Variants in PDLIM5 observed in about 807,000 individuals in gnomAD.
PDLIM5 encodes PDZ and LIM domain protein 5.
PDLIM5 carries 34 observed loss-of-function variants against 64.2 expected under a neutral mutation model. That is an observed-to-expected ratio of 0.53 (90% CI 0.40 to 0.71). The LOEUF (loss-of-function observed/expected upper bound fraction) is 0.71, where lower values mean the gene tolerates loss of function less well. PDLIM5 is among the 30% of genes least tolerant of loss of function. The pLI, the probability that PDLIM5 is intolerant of heterozygous loss-of-function variation, is 0.00. For missense variants in PDLIM5, 683 were observed against 733.6 expected (o/e 0.93, Z 0.80); for synonymous variants, 253 against 269.1 (o/e 0.94, Z 0.59).
At chr4:94,456,258 G>A (rs1250995642) in intron 2 of PDLIM5, 2 of 486,958 alleles carry the variant, frequency 4.1e-6, no homozygotes, top group East Asian at 3.7e-5. Flanking sequence ...GAGTGCAGTG[G>A]CGCAATCTCG....
At chr4:94,521,866 T>G (rs1237808650) in intron 2 of PDLIM5, among the ~76,000 whole-genome samples, 1 of 152,150 alleles carries the variant, frequency 6.6e-6, no homozygotes, top group Admixed American at 6.5e-5. Context: ...GTTTAATGCC[T>G]GCCCTTCTTT....
chr4:94,456,822 G>T, intron 2 of PDLIM5: 2 of 1,140,386 alleles, frequency 1.8e-6, no homozygotes, highest in Non-Finnish European at 1.1e-6. Context: ...AACAAACTTG[G>T]ATATTTATCA....
chr4:94,623,080 A>C (rs748478442), intron 8 of PDLIM5, among the ~76,000 whole-genome samples: 3 of 152,182 alleles, frequency 2.0e-5, no homozygotes, highest in Non-Finnish European at 4.4e-5. Context: ...TCAGAGGTTA[A>C]CTTTCTATGC....
intron 2 of PDLIM5, among the ~76,000 whole-genome samples, chr4:94,461,158 C>CA (rs1723843524): frequency 6.6e-6 from 1 of 152,030 alleles, no homozygotes; most frequent in South Asian, 2.1e-4. Context: ...TTGCTTTAGA[C>CA]AAAAAAGGAG....
chr4:94,662,973 A>AAT (rs1474158305), intron 12 of PDLIM5, among the ~76,000 whole-genome samples: 1 of 152,180 alleles, frequency 6.6e-6, no homozygotes, highest in Non-Finnish European at 1.5e-5. Flanking sequence ...TTTTCTTAGC[A>AAT]ATAGCCCCTG....
chr4:94,553,755 T>G (rs1160899054), intron 3 of PDLIM5, among the ~76,000 whole-genome samples: 1 of 152,200 alleles, frequency 6.6e-6, no homozygotes, highest in Non-Finnish European at 1.5e-5. Flanking sequence ...GCTCTCCATG[T>G]GTTATGTTTA....
intron 2 of PDLIM5, among the ~76,000 whole-genome samples, chr4:94,464,659 T>C (rs1019612919): frequency 1.3e-5 from 2 of 152,232 alleles, no homozygotes; most frequent in Non-Finnish European, 2.9e-5. Context: ...GTTACACATA[T>C]AATTTCCATG....
At chr4:94,654,319 C>G (rs1344068319) in intron 9 of PDLIM5, 141 bp from the exon 10 acceptor site, 1 of 627,130 alleles carries the variant, frequency 1.6e-6, no homozygotes, top group Non-Finnish European at 2.9e-6. Context: ...TTACAACACC[C>G]AACACCCATG....
At chr4:94,636,645 TCTC>T (rs1740594449) in intron 8 of PDLIM5, among the ~76,000 whole-genome samples, 1 of 150,686 alleles carries the variant, frequency 6.6e-6, no homozygotes, top group African/African-American at 2.5e-5. Context: ...TTCACGCCAT[TCTC>T]CTGCCGCAGC....
At chr4:94,511,560 TC>T (rs1459211144) in intron 2 of PDLIM5, among the ~76,000 whole-genome samples, 1 of 150,938 alleles carries the variant, frequency 6.6e-6, no homozygotes, top group African/African-American at 2.4e-5. Context: ...TCTCATACAT[TC>T]CTTTTAAATA....
Position 94,585,597 on chromosome 4 carries a change from C to T in PDLIM5, c.743C>T (p.Thr248Ile). The change falls in exon 6 of 13, where the codon ACA becomes ATA. Residue 248 changes from threonine (T) to isoleucine (I), a missense_variant. Coordinates refer to ENST00000317968, the MANE Select transcript of PDLIM5 (RefSeq NM_006457.5). The stretch of plus-strand genomic sequence containing the variant: ...AGAAAACACATTGTGGAGCGCTATA[C>T]AGAGTTTTATCATGTACCCACTCAC... The part of the protein sequence containing the change: ...PPRKHIVERY[T>I]EFYHVPTHSD... 1.9e-6 allele frequency: 3 copies of T among 1,612,652 alleles called. No individual in the cohort carries two copies. The highest frequency in any genetic ancestry group is 2.5e-6 in the Non-Finnish European group (3 of 1,179,514).
chr4:94,529,373 C>T (rs1361095735), intron 3 of PDLIM5, among the ~76,000 whole-genome samples: 1 of 152,058 alleles, frequency 6.6e-6, no homozygotes, highest in Admixed American at 6.6e-5. Context: ...GAACGAAACC[C>T]AGTTTTTGTT....
intron 7 of PDLIM5, among the ~76,000 whole-genome samples, chr4:94,609,654 C>G (rs76160719): frequency 0.011 from 1,670 of 152,242 alleles, 40 homozygotes; most frequent in African/African-American, 0.038. Flanking sequence ...ATATATTGCT[C>G]CTTCTTGATA....
intron 2 of PDLIM5, among the ~76,000 whole-genome samples, chr4:94,471,584 T>C (rs1724874613): frequency 6.6e-6 from 1 of 152,314 alleles, no homozygotes; most frequent in East Asian, 1.9e-4. Flanking sequence ...TTCTACATGC[T>C]GTTGATTGTA....
rs570274605 is a variant in PDLIM5 at position 94,654,707 on chromosome 4, C to T, written c.1464+67C>T. The T allele has an allele frequency of 3.6e-4, 346 of 960,736 alleles. 6 individuals are homozygous for T. The highest frequency in any genetic ancestry group is 3.6e-3 in the South Asian group (230 of 63,994). The allele number at this position is 960,736 out of a possible 1,614,324, so 59.5% of individuals were successfully genotyped here. A position where few individuals can be genotyped will look rare whatever the true frequency, so the allele number is the denominator to read the frequency against. On this transcript the variant is annotated intron_variant, in intron 10 of 12. Transcript: ENST00000317968. ...TAGAATAATTTTTTGATATGAAAGT[C>T]TTCTATCACTTTAACTTTTTATTTT...
chr4:94,588,341 A>T (rs1736410084), intron 7 of PDLIM5: 1 of 179,068 alleles, frequency 5.6e-6, no homozygotes, highest in Non-Finnish European at 1.1e-5. Context: ...AGGCGGGCAG[A>T]TCACCTGAGG....
In PDLIM5 at chr4:94,585,696, G is replaced by T; in HGVS notation, c.842G>T (p.Arg281Leu). ...CCAAGGACTGGAACAACTCAGTCTC[G>T]CTCTTTCCGAATCCTTGCCCAGATC... is the stretch of plus-strand genomic sequence containing the variant. ...WRPRTGTTQS[R>L]SFRILAQITG... Residue 281 changes from arginine to leucine, a missense_variant, in exon 6 of 13, where the codon CGC (arginine) becomes CTC (leucine). Physicochemically the swap from Arg to Leu is moderately radical, Grantham distance 102. Transcript: ENST00000317968. The T allele has an allele frequency of 6.2e-7, 1 of 1,613,724 alleles. No homozygotes were observed. Among genetic ancestry groups the T allele is most frequent in the Non-Finnish European group, 8.5e-7 (1 of 1,179,736 alleles).
intron 3 of PDLIM5, among the ~76,000 whole-genome samples, chr4:94,524,557 T>C (rs1382324075): frequency 6.6e-6 from 1 of 151,968 alleles, no homozygotes; most frequent in Non-Finnish European, 1.5e-5. Flanking sequence ...CTTTTTTTTT[T>C]TCTGAGTAGA....
At chr4:94,571,384 C>T (rs1734786640) in intron 3 of PDLIM5, among the ~76,000 whole-genome samples, 1 of 152,186 alleles carries the variant, frequency 6.6e-6, no homozygotes, top group South Asian at 2.1e-4. Context: ...CTTTGAATTT[C>T]ATGAACTGAG....
Sources: gnomAD v4.1 joint callset for allele counts (sites outside exome capture counted in the v4.1 genomes callset) on GRCh38, gnomAD v4.1.1 for gene constraint, MANE v1.5 for transcripts, NCBI Gene and HGNC (gene_info 2026-07-23, HGNC 2026-07-21) for gene names.